The following TMEM181 variants were observed in gnomAD, a reference collection of about 807,000 sequenced individuals.
The protein encoded by TMEM181 is G protein-coupled receptor 178.
TMEM181 carries 39 observed loss-of-function variants against 71.9 expected under a neutral mutation model. The ratio of observed to expected loss-of-function variants is 0.54; its 90% CI spans 0.42 to 0.71. TMEM181 has a LOEUF of 0.71. TMEM181 is among the 30% of genes least tolerant of loss of function. TMEM181 has a pLI of 0.00. For missense variants in TMEM181, 595 were observed against 583.0 expected, an observed-to-expected ratio of 1.02 and a Z score of -0.21; for synonymous variants, 245 against 228.8, an observed-to-expected ratio of 1.07 and a Z score of -0.64.
At chr6:158,538,390 A>C (rs923218431) in intron 1 of TMEM181, among the ~76,000 whole-genome samples, 1 of 151,294 alleles carries the variant, frequency 6.6e-6, no homozygotes, top group African/African-American at 2.4e-5. Context: ...CCTGGGCTCA[A>C]GTGATGCTCC....
At chr6:158,603,387 G>A (rs1048132981) in intron 6 of TMEM181, among the ~76,000 whole-genome samples, 9 of 152,112 alleles carry the variant, frequency 5.9e-5, no homozygotes, top group African/African-American at 1.7e-4. Context: ...CAGCAGGTTC[G>A]TGCTTCTGTG....
chr6:158,560,012 G>A (rs1782060151), upstream of TMEM181: 1 of 982,172 alleles, frequency 1.0e-6, no homozygotes, highest in African/African-American at 1.7e-5. Flanking sequence ...CGCGCCCGCG[G>A]CCCCGCTTCC....
chr6:158,602,618 T>A (rs1583016347), intron 6 of TMEM181, among the ~76,000 whole-genome samples: 1 of 71,130 alleles, frequency 1.4e-5, no homozygotes, highest in African/African-American at 5.7e-5. Context: ...TTTATGTACT[T>A]TTTTTTTTTT....
At chr6:158,559,427 CCA>C (rs1182804753), upstream of TMEM181, among the ~76,000 whole-genome samples, 1 of 152,164 alleles carries the variant, frequency 6.6e-6, no homozygotes, top group Non-Finnish European at 1.5e-5. Context: ...GACTTTAAAC[CCA>C]CAGCACACGG....
intron 3 of TMEM181, among the ~76,000 whole-genome samples, chr6:158,582,053 C>T (rs961307790): frequency 6.6e-6 from 1 of 152,242 alleles, no homozygotes; most frequent in Admixed American, 6.5e-5. Context: ...TGCAAAAAGT[C>T]AAAAGAAGAA....
upstream of TMEM181, among the ~76,000 whole-genome samples, chr6:158,556,979 ATCCGTGCTCTTCAGCCT>A (rs1562617979): frequency 6.6e-6 from 1 of 152,138 alleles, no homozygotes; most frequent in Non-Finnish European, 1.5e-5. Flanking sequence ...AGCTCAAGTG[ATCCGTGCTCTTCAGCCT>A]CCCAAAGTGC....
chr6:158,572,141 G>A (rs1582962935), intron 1 of TMEM181, among the ~76,000 whole-genome samples: 1 of 152,252 alleles, frequency 6.6e-6, no homozygotes, highest in Non-Finnish European at 1.5e-5. Context: ...GAGCTACGTC[G>A]CAGAGGTGTT....
chr6:158,629,892 T>TC, intron 15 of TMEM181, 73 bp downstream of exon 15: 1 of 1,238,862 alleles, frequency 8.1e-7, no homozygotes, highest in Middle Eastern at 1.9e-4. Context: ...ACGACCCACT[T>TC]CCCGGGTTTC....
chr6:158,597,656 CCAT>C (rs1471945270), intron 6 of TMEM181, among the ~76,000 whole-genome samples: 1 of 152,156 alleles, frequency 6.6e-6, no homozygotes, highest in African/African-American at 2.4e-5. Context: ...GCACACACCA[CCAT>C]GCCTGGCTTG....
chr6:158,564,114 T>C (rs956338433), intron 1 of TMEM181, among the ~76,000 whole-genome samples: 6 of 152,244 alleles, frequency 3.9e-5, no homozygotes, highest in African/African-American at 1.4e-4. Context: ...AAATGACTTA[T>C]ACCCAAGTTG....
chr6:158,539,852 T>C (rs1781272922), intron 1 of TMEM181, among the ~76,000 whole-genome samples: 2 of 152,154 alleles, frequency 1.3e-5, no homozygotes. Flanking sequence ...TTGTGGTGAG[T>C]TAATTGCATT....
intron 11 of TMEM181, among the ~76,000 whole-genome samples, chr6:158,624,347 A>C (rs116455859): frequency 8.7e-6 from 1 of 115,548 alleles, no homozygotes; most frequent in Non-Finnish European, 1.9e-5. Context: ...GAGAAAAATG[A>C]TCCCGATTCC....
At chr6:158,538,577 T>A (rs1269166442) in intron 1 of TMEM181, among the ~76,000 whole-genome samples, 1 of 152,130 alleles carries the variant, frequency 6.6e-6, no homozygotes, top group Non-Finnish European at 1.5e-5. Flanking sequence ...TTAATCTCCA[T>A]CTTTATTCAC....
At chr6:158,615,673 G>A (rs1785572864) in intron 10 of TMEM181, among the ~76,000 whole-genome samples, 1 of 152,188 alleles carries the variant, frequency 6.6e-6, no homozygotes, top group Non-Finnish European at 1.5e-5. Flanking sequence ...AGGGTGTAAG[G>A]AAGAGATCCC....
intron 1 of TMEM181, among the ~76,000 whole-genome samples, chr6:158,548,172 C>A (rs927710405): frequency 6.6e-6 from 1 of 152,110 alleles, no homozygotes; most frequent in East Asian, 1.9e-4. Flanking sequence ...TTTCCGAACA[C>A]AGTAGTTTGG....
At chr6:158,570,513 T>C (rs564438878) in intron 1 of TMEM181, among the ~76,000 whole-genome samples, 22 of 152,160 alleles carry the variant, frequency 1.4e-4, no homozygotes, top group African/African-American at 4.6e-4. Flanking sequence ...AGTGCTGGGA[T>C]TACAGGCATG....
Position 158,584,033 on chromosome 6 carries a change from A to G in TMEM181, c.248A>G (p.Asp83Gly). 1.2e-6 allele frequency: 2 copies of G among 1,611,266 alleles called. No homozygotes were observed. Among genetic ancestry groups the G allele is most frequent in the Non-Finnish European group, 8.5e-7 (1 of 1,178,452 alleles). Residue 83 changes from aspartate to glycine, a missense_variant, in exon 4 of 17, where the codon GAT becomes GGT. Asp to Gly is a moderately conservative substitution (Grantham distance 94). Transcript: ENST00000684151. ...TGGCTGACATGTGTTGTTGAGTTGG[A>G]TCAATCAAAAGGTATGGAGCTTGAC... ...QLWLTCVVEL[D>G]QSKETSIKTS...
At chr6:158,575,510 G>T (rs916064141) in intron 2 of TMEM181, among the ~76,000 whole-genome samples, 1 of 152,144 alleles carries the variant, frequency 6.6e-6, no homozygotes, top group African/African-American at 2.4e-5. Flanking sequence ...TAGAGACAGG[G>T]TTTCACCATG....
At chr6:158,606,348 GC>G (rs551389658) in intron 7 of TMEM181, among the ~76,000 whole-genome samples, 121 of 152,172 alleles carry the variant, frequency 8.0e-4, no homozygotes, top group Non-Finnish European at 1.5e-3. Flanking sequence ...GGATCTCAGG[GC>G]TCCCGCAGTG....
Sources: gnomAD v4.1 joint callset for allele counts (sites outside exome capture counted in the v4.1 genomes callset) on GRCh38, gnomAD v4.1.1 for gene constraint, MANE v1.5 for transcripts, NCBI Gene and HGNC (gene_info 2026-07-23, HGNC 2026-07-21) for gene names.